LORICRIN: variants seen among roughly 807,000 people sequenced by gnomAD.
LORICRIN encodes the protein loricrin cornified envelope precursor protein.
LORICRIN carries 5 observed loss-of-function variants against 3.3 expected under a neutral mutation model. That is an observed-to-expected ratio of 1.52 (90% confidence interval 0.79 to 3.19). The LOEUF is 3.19. LORICRIN is among the 30% of genes most tolerant of loss of function. The pLI, the probability that LORICRIN is intolerant of heterozygous loss-of-function variation, is 0.00. For synonymous variants in LORICRIN, 237 were observed against 231.4 expected, an observed-to-expected ratio of 1.02 and a Z score of -0.22; for missense variants, 524 against 460.2, an observed-to-expected ratio of 1.14 and a Z score of -1.27.
rs1553191216 is a variant in LORICRIN at position 153,261,018 on chromosome 1, T to TGGCGGC, written c.74_75insCGGCGG (p.Gly27_Gly28dup). The TGGCGGC allele has an allele frequency of 3.8e-6, 6 of 1,564,792 alleles. No homozygotes were observed. In the South Asian group the frequency reaches 6.9e-5, roughly 18 times the overall value. ...ACTGCGTGAAGACCTCTGGCGGCGGTGGCGGTGGCGGCGGCAGCGGCGGTG... is the reference window on the plus strand; with the variant it reads ...ACTGCGTGAAGACCTCTGGCGGCGGTGGCGGCGGCGGTGGCGGCGGCAGCGGCGGTG... On this transcript the variant is annotated inframe_insertion, in exon 2 of 2. Transcript: ENST00000368742.
chr1:153,261,837 G>C lies in LORICRIN; in HGVS notation c.888G>C (p.Pro296=). The stretch of plus-strand genomic sequence containing the variant: ...GCTCCGGGAGTGGCAAGGGCGTCCC[G>C]ATCTGCCACCAGACCCAGCAGAAGC... ...VGGSGSGKGV[P]ICHQTQQKQA... is the part of the protein sequence containing the mutation. Residue 296 remains proline, a synonymous_variant, in exon 2 of 2, where the codon CCG becomes CCC. Coordinates refer to ENST00000368742, the MANE Select transcript of LORICRIN (RefSeq NM_000427.3). 1 of 1,611,174 alleles carries C rather than the reference G, an allele frequency of 6.2e-7. No homozygotes were observed. The highest frequency in any genetic ancestry group is 8.5e-7 in the Non-Finnish European group (1 of 1,179,358).
At position 153,261,159 on chromosome 1, in the gene LORICRIN, CGGCGGG is replaced by C. The variant is rs929666969; in HGVS notation, c.222_227del (p.Gly75_Gly76del). On this transcript the variant is annotated inframe_deletion, in exon 2 of 2. Coordinates refer to ENST00000368742, the MANE Select transcript of LORICRIN (RefSeq NM_000427.3). ...GCGGCTGCGGCGGGGGCTCCTCCGG[CGGCGGG>C]GGCGGGGGCGGCATTGGAGGCTGCG... 62 of 1,327,904 alleles carry C rather than the reference CGGCGGG, an allele frequency of 4.7e-5. No individual in the cohort carries two copies. The highest frequency in any genetic ancestry group is 5.1e-5 in the Non-Finnish European group (53 of 1,049,204). The allele number at this position is 1,327,904 out of a possible 1,614,324, so 82.3% of individuals were successfully genotyped here. A position where few individuals can be genotyped will look rare whatever the true frequency, so the allele number is the denominator to read the frequency against.
Position 153,261,185 on chromosome 1 carries a change from G to T in LORICRIN, c.236G>T (p.Gly79Val). The change falls in exon 2 of 2, where the codon GGC becomes GTC. Residue 79 changes from glycine (G) to valine (V), a missense_variant. Transcript: ENST00000368742. Reference protein sequence around the residue: ...SGGGGGGGIGGCGGGSGGSVK... With the variant: ...SGGGGGGGIGVCGGGSGGSVK... ...GGCGGGGGCGGGGGCGGCATTGGAG[G>T]CTGCGGAGGGGGCTCCGGTGGGAGC... 2 of 1,351,320 alleles carry T rather than the reference G, an allele frequency of 1.5e-6. No individual in the cohort carries two copies. Among genetic ancestry groups the T allele is most frequent in the Non-Finnish European group, 1.9e-6 (2 of 1,061,404 alleles). 83.7% of individuals were successfully genotyped at this position (1,351,320 alleles called of 1,614,324 possible). A position where few individuals can be genotyped will look rare whatever the true frequency, so the allele number is the denominator to read the frequency against.
At chr1:153,260,468 T>A (rs1658736301) in intron 1 of LORICRIN, among the ~76,000 whole-genome samples, 1 of 152,198 alleles carries the variant, frequency 6.6e-6, no homozygotes, top group African/African-American at 2.4e-5. Flanking sequence ...CTCAATAGAA[T>A]GAAGTCCGAC....
Position 153,261,144 on chromosome 1 carries a change from C to CG in LORICRIN, c.200dup (p.Ser68LeufsTer99). 7.4e-7 allele frequency: 1 copy of CG among 1,345,768 alleles called. No homozygotes were observed. The highest frequency in any genetic ancestry group is 9.4e-7 in the Non-Finnish European group (1 of 1,059,220). 83.4% of individuals were successfully genotyped at this position (1,345,768 alleles called of 1,614,324 possible). A position where few individuals can be genotyped will look rare whatever the true frequency, so the allele number is the denominator to read the frequency against. On this transcript the variant is annotated frameshift_variant, in exon 2 of 2. Transcript: ENST00000368742. LOFTEE classifies it low-confidence loss of function (END_TRUNC). ...GTGGCTACTCTGGCGGCGGCTGCGG[C>CG]GGGGGCTCCTCCGGCGGCGGGGGCG...
chr1:153,261,024 T>TGGCGGCGGC lies in LORICRIN; in HGVS notation c.76_84dup (p.Gly26_Gly28dup). 1.3e-6 allele frequency: 2 copies of TGGCGGCGGC among 1,558,502 alleles called. No individual in the cohort carries two copies. Among genetic ancestry groups the TGGCGGCGGC allele is most frequent in the South Asian group, 1.2e-5 (1 of 86,180 alleles). On this transcript the variant is annotated inframe_insertion, in exon 2 of 2. Coordinates refer to ENST00000368742, the MANE Select transcript of LORICRIN (RefSeq NM_000427.3). ...TGAAGACCTCTGGCGGCGGTGGCGGTGGCGGCGGCAGCGGCGGTGGTGGCT... is the reference window on the plus strand; with the variant it reads ...TGAAGACCTCTGGCGGCGGTGGCGGTGGCGGCGGCGGCGGCGGCAGCGGCGGTGGTGGCT...
rs750652947 is a variant in LORICRIN at position 153,261,638 on chromosome 1, CCGG to C, written c.700_702del (p.Gly234del). On this transcript the variant is annotated inframe_deletion, in exon 2 of 2. Transcript: ENST00000368742. ...CAGCCGAGTTACGGAGGGGGGTCGT[CCGG>C]CGGCGGCGGCAGCGGCGGAAGCGGC... is the stretch of plus-strand genomic sequence containing the variant. 6.7e-6 allele frequency: 10 copies of C among 1,494,772 alleles called. No homozygotes were observed. Among genetic ancestry groups the C allele is most frequent in the East Asian group, 5.3e-5 (2 of 37,576 alleles). The allele number at this position is 1,494,772 out of a possible 1,614,324, so 92.6% of individuals were successfully genotyped here. A position where few individuals can be genotyped will look rare whatever the true frequency, so the allele number is the denominator to read the frequency against.
Sources: gnomAD v4.1 joint callset for allele counts (sites outside exome capture counted in the v4.1 genomes callset) on GRCh38, gnomAD v4.1.1 for gene constraint, MANE v1.5 for transcripts, NCBI Gene and HGNC (gene_info 2026-07-23, HGNC 2026-07-21) for gene names.